ITGAV: variants seen among roughly 807,000 people sequenced by gnomAD.
ITGAV encodes the protein integrin subunit alpha V.
In ITGAV, 76 loss-of-function variants were observed where a neutral mutation model predicts 143.8. That is an observed-to-expected ratio of 0.53 (90% CI 0.44 to 0.64). The LOEUF (loss-of-function observed/expected upper bound fraction) is 0.64. ITGAV is among the 30% of genes least tolerant of loss of function. The pLI, the probability that ITGAV is intolerant of heterozygous loss-of-function variation, is 0.00. For missense variants in ITGAV, 1,193 were observed against 1,274.7 expected (o/e 0.94, Z 0.98); for synonymous variants, 453 against 446.7 (o/e 1.01, Z -0.18).
chr2:186,676,852 A>C lies in ITGAV; in HGVS notation c.2968A>C (p.Met990Leu). Residue 990 changes from methionine (M) to leucine (L), a missense_variant, in exon 29 of 30, where the codon ATG (methionine) becomes CTG (leucine). By Grantham distance (15) the Met-to-Leu change is conservative (BLOSUM62 2). Transcript: ENST00000261023. ...NVTWGIQPAP[M>L]PVPVWVIILA... ...CACCTGGGGCATTCAGCCAGCGCCC[A>C]TGCCTGTGCCTGTGTGGGTGATCAT... 6.2e-7 allele frequency: 1 copy of C among 1,614,132 alleles called. No homozygotes were observed. The highest frequency in any genetic ancestry group is 1.1e-5 in the South Asian group (1 of 91,082).
intron 26 of ITGAV, among the ~76,000 whole-genome samples, chr2:186,670,308 G>C (rs1377564114): frequency 6.6e-6 from 1 of 151,854 alleles, no homozygotes; most frequent in Non-Finnish European, 1.5e-5. Flanking sequence ...TTGTTTGTTT[G>C]TTTGTTTTTT....
At chr2:186,657,529 G>A (rs561216031) in intron 17 of ITGAV, among the ~76,000 whole-genome samples, 36 of 152,180 alleles carry the variant, frequency 2.4e-4, no homozygotes, top group African/African-American at 8.2e-4. Flanking sequence ...ACTTGCAACC[G>A]TATTACAATG....
At chr2:186,636,872 C>G (rs1000173055) in intron 7 of ITGAV, among the ~76,000 whole-genome samples, 193 bp from the exon 8 acceptor site, 3 of 152,126 alleles carry the variant, frequency 2.0e-5, no homozygotes, top group African/African-American at 7.2e-5. Flanking sequence ...TAAAAATAGA[C>G]TATTTGAGTA....
intron 26 of ITGAV, among the ~76,000 whole-genome samples, chr2:186,670,914 C>A (rs145096714): frequency 2.2e-4 from 34 of 152,324 alleles, no homozygotes; most frequent in African/African-American, 7.9e-4. Context: ...CCATAAAGTT[C>A]TTAGTTGATT....
In ITGAV at chr2:186,656,318, A is replaced by G; in HGVS notation, c.1636A>G (p.Ser546Gly). 1.9e-6 allele frequency: 3 copies of G among 1,586,520 alleles called. No homozygotes were observed. Among genetic ancestry groups the G allele is most frequent in the South Asian group, 1.2e-5 (1 of 86,072 alleles). Residue 546 changes from serine (S) to glycine (G), a missense_variant, in exon 17 of 30, where the codon AGC (serine) becomes GGC (glycine). Physicochemically the swap from Ser to Gly is moderately conservative, Grantham distance 56. Coordinates refer to ENST00000261023, the MANE Select transcript of ITGAV (RefSeq NM_002210.5). ...GAIRRALFLY[S>G]RSPSHSKNMT... Reference sequence around the variant, plus strand: ...AATTCGACGAGCACTGTTTCTCTACAGCAGGTCCCCAAGTCACTCCAAGAA... The same window carrying G: ...AATTCGACGAGCACTGTTTCTCTACGGCAGGTCCCCAAGTCACTCCAAGAA...
chr2:186,590,355 G>A lies in ITGAV; in HGVS notation c.17G>A (p.Arg6Gln), dbSNP rs572317414. MAFPPRRRLRLGPRGL... is the reference protein window; with the variant it reads MAFPPQRRLRLGPRGL... ...ACTTCGGCGATGGCTTTTCCGCCGC[G>A]GCGACGGCTGCGCCTCGGTCCCCGC... is the stretch of plus-strand genomic sequence containing the variant. The change falls in exon 1 of 30, where the codon CGG (arginine) becomes CAG (glutamine). Residue 6 changes from arginine to glutamine, a missense_variant. Coordinates refer to ENST00000261023, the MANE Select transcript of ITGAV (RefSeq NM_002210.5). The A allele has an allele frequency of 3.8e-6, 6 of 1,582,896 alleles. No homozygotes were observed. The highest frequency in any genetic ancestry group is 2.8e-5 in the African/African-American group (2 of 71,884).
rs1689301730 is a variant in ITGAV, at chr2:186,679,658, A to G, written c.*2366A>G. 2 of 152,036 alleles carry G rather than the reference A, an allele frequency of 1.3e-5. No homozygotes were observed. The highest frequency in any genetic ancestry group is 1.3e-4 in the Admixed American group (2 of 15,270). 9.4% of individuals were successfully genotyped at this position (152,036 alleles called of 1,614,324 possible). On this transcript the variant is annotated 3_prime_UTR_variant, in exon 30 of 30. Coordinates refer to ENST00000261023, the MANE Select transcript of ITGAV (RefSeq NM_002210.5). ...TTCAGTTTTAAGAAAACATGAATGAACTAGAAGATATTAAAAACATTTGAC... is the reference window on the plus strand; with the variant it reads ...TTCAGTTTTAAGAAAACATGAATGAGCTAGAAGATATTAAAAACATTTGAC...
chr2:186,624,931 A>G (rs984200002), intron 3 of ITGAV, among the ~76,000 whole-genome samples: 1 of 127,728 alleles, frequency 7.8e-6, no homozygotes, highest in African/African-American at 3.0e-5. Context: ...TACCTGAAAT[A>G]ACAATTTTGC....
In ITGAV at chr2:186,609,527, G is replaced by A. The variant is rs189360846; in HGVS notation, c.316+7376G>A. Among the ~76,000 whole-genome samples, 26 of 152,228 alleles carry A rather than the reference G, an allele frequency of 1.7e-4. 1 individual carries two copies. In the East Asian group the frequency reaches 3.1e-3, roughly 18 times the overall value. ...TTTCAAAAATGTATTTGAGAGATCA[G>A]TCTAAAAGTTATTTTACTGTAATTC... On this transcript the variant is annotated intron_variant, in intron 2 of 29. Coordinates refer to ENST00000261023, the MANE Select transcript of ITGAV (RefSeq NM_002210.5).
chr2:186,663,125 G>A (rs1334411284), intron 18 of ITGAV, among the ~76,000 whole-genome samples: 5 of 152,072 alleles, frequency 3.3e-5, no homozygotes, highest in East Asian at 1.9e-4. Flanking sequence ...GATCTAGTGG[G>A]GAAAAAGTTC....
chr2:186,601,952 T>C (rs1175942078), intron 1 of ITGAV, 69 bp from the exon 2 acceptor site: 19 of 1,467,896 alleles, frequency 1.3e-5, no homozygotes, highest in Non-Finnish European at 1.6e-5. Flanking sequence ...TGATTGCTCC[T>C]CATAAATCAG....
chr2:186,619,111 T>TTATA (rs35908821), intron 2 of ITGAV, among the ~76,000 whole-genome samples: 18 of 147,234 alleles, frequency 1.2e-4, no homozygotes, highest in Admixed American at 2.7e-4. Context: ...ATAGTATATT[T>TTATA]TATATATATA....
intron 17 of ITGAV, among the ~76,000 whole-genome samples, chr2:186,658,462 C>A (rs1688649557): frequency 6.6e-6 from 1 of 152,070 alleles, no homozygotes; most frequent in East Asian, 1.9e-4. Context: ...ATATACTTGT[C>A]ACTATATATA....
Position 186,590,064 on chromosome 2 carries a change from G to T in ITGAV, c.-275G>T. The T allele has an allele frequency of 2.7e-6, 1 of 371,466 alleles. No homozygotes were observed. The highest frequency in any genetic ancestry group is 4.7e-6 in the Non-Finnish European group (1 of 210,856). The allele number at this position is 371,466 out of a possible 1,614,324, so 23.0% of individuals were successfully genotyped here. A position where few individuals can be genotyped will look rare whatever the true frequency, so the allele number is the denominator to read the frequency against. On this transcript the variant is annotated 5_prime_UTR_variant, in exon 1 of 30. Coordinates refer to ENST00000261023, the MANE Select transcript of ITGAV (RefSeq NM_002210.5). ...GCGGCGCTCACCCCGGCAGTCCCCA[G>T]CCTCAGACGCTGCGTGGAGCGGCGG...
chr2:186,610,243 G>T (rs984593795), intron 2 of ITGAV, among the ~76,000 whole-genome samples: 4 of 152,244 alleles, frequency 2.6e-5, no homozygotes, highest in Non-Finnish European at 5.9e-5. Flanking sequence ...TACAATCCAG[G>T]ATAGAAAAGT....
intron 2 of ITGAV, among the ~76,000 whole-genome samples, chr2:186,603,195 A>G (rs1686962490): frequency 6.6e-6 from 1 of 152,222 alleles, no homozygotes; most frequent in South Asian, 2.1e-4. Context: ...CTTCTAGTAC[A>G]ATAGTCTTAC....
At chr2:186,600,607 A>C (rs571151106) in intron 1 of ITGAV, among the ~76,000 whole-genome samples, 1 of 152,250 alleles carries the variant, frequency 6.6e-6, no homozygotes, top group African/African-American at 2.4e-5. Flanking sequence ...TGTAATAGTA[A>C]TTTATTTATT....
chr2:186,604,120 C>T lies in ITGAV; in HGVS notation c.316+1969C>T, dbSNP rs373773591. Among the ~76,000 whole-genome samples, 7 of 152,134 alleles carry T rather than the reference C, an allele frequency of 4.6e-5. No homozygotes were observed. In the East Asian group the frequency reaches 5.8e-4, roughly 13 times the overall value. On this transcript the variant is annotated intron_variant, in intron 2 of 29. Coordinates refer to ENST00000261023, the MANE Select transcript of ITGAV (RefSeq NM_002210.5). ...CATCTGGGCTCAAGCAGTCTGCCCC[C>T]CTCAGTCTCCTGAAGTCCTGAGACT...
At chr2:186,593,811 G>T (rs530470508) in intron 1 of ITGAV, among the ~76,000 whole-genome samples, 1 of 152,076 alleles carries the variant, frequency 6.6e-6, no homozygotes, top group Non-Finnish European at 1.5e-5. Context: ...GGAAGGGAAG[G>T]ATCCGAAGAC....
Sources: allele counts gnomAD v4.1 joint callset (sites outside exome capture counted in the v4.1 genomes callset), GRCh38; gene constraint gnomAD v4.1.1; transcripts MANE v1.5; gene names NCBI Gene and HGNC (gene_info 2026-07-23, HGNC 2026-07-21).